MEOX2: variants seen among roughly 807,000 people sequenced by gnomAD.
MEOX2 encodes mesenchyme homeobox 2.
Under a neutral mutation model 27.0 loss-of-function variants are expected in MEOX2, and 11 were observed. The observed-to-expected ratio is 0.41, with a 90% confidence interval of 0.26 to 0.68. The LOEUF (loss-of-function observed/expected upper bound fraction) is 0.68, where lower values mean the gene tolerates loss of function less well. Among genes scored for constraint, MEOX2 ranks in the 30% least tolerant of loss-of-function variants. The pLI is 0.33. For missense variants in MEOX2, 436 were observed against 385.4 expected (o/e 1.13, Z -1.10); for synonymous variants, 189 against 155.4 (o/e 1.22, Z -1.61).
At chr7:15,633,371 G>T (rs1363903781) in intron 1 of MEOX2, among the ~76,000 whole-genome samples, 2 of 151,868 alleles carry the variant, frequency 1.3e-5, no homozygotes, top group African/African-American at 2.4e-5. Flanking sequence ...GGGAGGGAAA[G>T]AAACTATTTT....
chr7:15,618,061 G>A (rs2115354467), intron 2 of MEOX2, among the ~76,000 whole-genome samples: 1 of 152,070 alleles, frequency 6.6e-6, no homozygotes, highest in African/African-American at 2.4e-5. Context: ...TTCCAAAAAT[G>A]AACCGAAAGC....
rs1436462566 is a variant in MEOX2, at chr7:15,611,251, C to T, written c.*1136G>A. The T allele has an allele frequency of 6.6e-6, 1 of 152,014 alleles. No individual in the cohort carries two copies. The highest frequency in any genetic ancestry group is 1.5e-5 in the Non-Finnish European group (1 of 67,978). 9.4% of individuals were successfully genotyped at this position (152,014 alleles called of 1,614,324 possible). On this transcript the variant is annotated 3_prime_UTR_variant, in exon 3 of 3. Coordinates refer to ENST00000262041, the MANE Select transcript of MEOX2 (RefSeq NM_005924.5). ...TCATTTATTAAACACATTTTAAAAA[C>T]AAAATACAAAGATAGTTGTTCTGCA...
rs771332987 is a variant in MEOX2 at position 15,686,358 on chromosome 7, C to T, written c.45G>A (p.Thr15=). 1.9e-6 allele frequency: 3 copies of T among 1,592,916 alleles called. No individual in the cohort carries two copies. The highest frequency in any genetic ancestry group is 2.3e-5 in the East Asian group (1 of 43,878). Residue 15 remains threonine (T), a synonymous_variant, in exon 1 of 3, where the codon ACG becomes ACA. Transcript: ENST00000262041. ...GGGAGAACGGGTGCAAGCCTTGCGC[C>T]GTGGCGTGAGGGCTGCGCAGGCAGC... ...LFGCLRSPHA[T]AQGLHPFSQS... is the part of the protein sequence containing the mutation.
chr7:15,660,938 G>A (rs1400739649), intron 1 of MEOX2, among the ~76,000 whole-genome samples: 2 of 149,098 alleles, frequency 1.3e-5, no homozygotes, highest in African/African-American at 5.0e-5. Flanking sequence ...ACTTGAACTC[G>A]GGAGGTGGAT....
rs1018262163 is a variant in MEOX2 at position 15,612,188 on chromosome 7, C to A, written c.*199G>T. ...ATATTCAAAGCAAGTTCACCTTCTC[C>A]ATCTTCACTGTGGAAGCTCTTTAAT... On this transcript the variant is annotated 3_prime_UTR_variant, in exon 3 of 3. Transcript: ENST00000262041. The A allele has an allele frequency of 3.4e-6, 2 of 594,846 alleles. No homozygotes were observed. Among genetic ancestry groups the A allele is most frequent in the African/African-American group, 1.9e-5 (1 of 53,768 alleles). 36.8% of individuals were successfully genotyped at this position (594,846 alleles called of 1,614,324 possible).
chr7:15,665,464 C>T (rs1405223650), intron 1 of MEOX2, among the ~76,000 whole-genome samples: 2 of 152,144 alleles, frequency 1.3e-5, no homozygotes, highest in African/African-American at 4.8e-5. Flanking sequence ...TTAAGTACAA[C>T]AGCACTATAG....
At chr7:15,683,323 A>G (rs1052349789) in intron 1 of MEOX2, among the ~76,000 whole-genome samples, 1 of 152,036 alleles carries the variant, frequency 6.6e-6, no homozygotes, top group African/African-American at 2.4e-5. Context: ...TCAACCATAA[A>G]TGCAAAGTAA....
At chr7:15,681,271 A>G (rs1246253807) in intron 1 of MEOX2, 1 of 151,810 alleles carries the variant, frequency 6.6e-6, no homozygotes, top group African/African-American at 2.4e-5. Flanking sequence ...GCTGTATTAT[A>G]TTGGTTTTTC....
intron 1 of MEOX2, among the ~76,000 whole-genome samples, chr7:15,651,222 C>T (rs1465034933): frequency 6.6e-6 from 1 of 151,990 alleles, no homozygotes. Flanking sequence ...ATGTGATATA[C>T]TTTCCCTCAA....
In MEOX2 at chr7:15,612,365, T is replaced by C. The variant is rs1781045847; in HGVS notation, c.*22A>G. ...CATCACAACATTTCTTTCCTGAGAA[T>C]GGAGCTGGTCCTCTGTTTATATCAT... On this transcript the variant is annotated 3_prime_UTR_variant, in exon 3 of 3. Coordinates refer to ENST00000262041, the MANE Select transcript of MEOX2 (RefSeq NM_005924.5). 6.3e-7 allele frequency: 1 copy of C among 1,591,202 alleles called. No individual in the cohort carries two copies. Among genetic ancestry groups the C allele is most frequent in the Non-Finnish European group, 8.6e-7 (1 of 1,159,768 alleles).
intron 1 of MEOX2, among the ~76,000 whole-genome samples, chr7:15,657,906 C>A (rs1350117298): frequency 1.3e-5 from 2 of 152,172 alleles, no homozygotes; most frequent in East Asian, 3.9e-4. Flanking sequence ...GCAGGTGGAG[C>A]AGGCTCCTTA....
At chr7:15,649,472 GT>G (rs151228220) in intron 1 of MEOX2, among the ~76,000 whole-genome samples, 2,783 of 152,144 alleles carry the variant, frequency 0.018, 93 homozygotes, top group African/African-American at 0.064. Context: ...GAATCATGAA[GT>G]TTCACAAGCA....
At chr7:15,659,377 G>A (rs892507310) in intron 1 of MEOX2, among the ~76,000 whole-genome samples, 2 of 152,148 alleles carry the variant, frequency 1.3e-5, no homozygotes, top group South Asian at 2.1e-4. Context: ...TTTTGCAGTC[G>A]GGTGTGTGCA....
chr7:15,672,990 T>C lies in MEOX2; in HGVS notation c.517+12896A>G, dbSNP rs536427449. Among the ~76,000 whole-genome samples the C allele has an allele frequency of 2.2e-4, 34 of 152,222 alleles. No homozygotes were observed. The South Asian group carries it at 7.1e-3, about 32-fold the overall frequency. ...CTTAACCTGGACAGTCATTCAACTC[T>C]CCTACAGATTGCCCAAGCATCTTCG... On this transcript the variant is annotated intron_variant, in intron 1 of 2. Coordinates refer to ENST00000262041, the MANE Select transcript of MEOX2 (RefSeq NM_005924.5).
intron 2 of MEOX2, 42 bp downstream of exon 2, chr7:15,626,704 G>A (rs1214583904): frequency 6.9e-7 from 1 of 1,456,104 alleles, no homozygotes; most frequent in Non-Finnish European, 9.5e-7. Flanking sequence ...GTGGACCCAG[G>A]GCAATTAAAA....
chr7:15,625,189 A>G (rs200077329), intron 2 of MEOX2, among the ~76,000 whole-genome samples: 2 of 152,300 alleles, frequency 1.3e-5, no homozygotes, highest in Admixed American at 6.5e-5. Context: ...CCATCTCTAT[A>G]TAAGAACATT....
rs199726252 is a variant in MEOX2 at position 15,641,361 on chromosome 7, T to TTTTGTTTG, written c.518-14451_518-14444dup. Among the ~76,000 whole-genome samples, 3 of 152,186 alleles carry TTTTGTTTG rather than the reference T, an allele frequency of 2.0e-5. No individual in the cohort carries two copies. In the East Asian group the frequency reaches 5.8e-4, roughly 29 times the overall value. ...TTATAATTCAATGTTCTTCCTTGTT[T>TTTTGTTTG]TTTGTTTGTTTGTTTGTTTGTTTGT... On this transcript the variant is annotated intron_variant, in intron 1 of 2. Coordinates refer to ENST00000262041, the MANE Select transcript of MEOX2 (RefSeq NM_005924.5).
chr7:15,669,724 C>T (rs1300126570), intron 1 of MEOX2, among the ~76,000 whole-genome samples: 1 of 152,182 alleles, frequency 6.6e-6, no homozygotes, highest in Non-Finnish European at 1.5e-5. Flanking sequence ...TTTCTAATGC[C>T]AGGATGAATA....
intron 1 of MEOX2, among the ~76,000 whole-genome samples, chr7:15,650,530 T>C (rs1781718100): frequency 1.3e-5 from 2 of 152,084 alleles, no homozygotes; most frequent in Non-Finnish European, 2.9e-5. Flanking sequence ...CATTACATAT[T>C]TCAGACTAAT....
Sources: gnomAD v4.1 joint callset for allele counts (sites outside exome capture counted in the v4.1 genomes callset) on GRCh38, gnomAD v4.1.1 for gene constraint, MANE v1.5 for transcripts, NCBI Gene and HGNC (gene_info 2026-07-23, HGNC 2026-07-21) for gene names.